Variants in ABCA13 observed in about 807,000 individuals in gnomAD.
The protein encoded by ABCA13 is ATP binding cassette subfamily A member 13.
Under a neutral mutation model 478.7 loss-of-function variants are expected in ABCA13, and 476 were observed. The ratio of observed to expected loss-of-function variants is 0.99; its 90% confidence interval spans 0.92 to 1.07. The LOEUF is 1.07. ABCA13 is among the 50% of genes least tolerant of loss of function. The pLI, the probability that ABCA13 is intolerant of heterozygous loss-of-function variation, is 0.00. For synonymous variants in ABCA13, 2,252 were observed against 2,158.9 expected, an observed-to-expected ratio of 1.04 and a Z score of -1.20; for missense variants, 6,060 against 5,910.6, an observed-to-expected ratio of 1.03 and a Z score of -0.83.
At chr7:48,281,201 A>G (rs920066481) in intron 18 of ABCA13, 142 bp from the exon 19 acceptor site, 3 of 677,402 alleles carry the variant, frequency 4.4e-6, no homozygotes, top group Non-Finnish European at 7.5e-6. Context: ...GTGTTTTCTT[A>G]TGTTCCTATG....
rs936935649 is a variant in ABCA13 at position 48,645,905 on chromosome 7, C to G, written c.*393C>G. Reference sequence around the variant, plus strand: ...TTTTCTGTTAAGAAAACTGAGCCCCCTCCCCACAGGTTAAAAAACTTTAGT... The same window carrying G: ...TTTTCTGTTAAGAAAACTGAGCCCCGTCCCCACAGGTTAAAAAACTTTAGT... On this transcript the variant is annotated 3_prime_UTR_variant, in exon 62 of 62. Coordinates refer to ENST00000435803, the MANE Select transcript of ABCA13 (RefSeq NM_152701.5). 1.2e-5 allele frequency: 2 copies of G among 171,332 alleles called. No homozygotes were observed. Among genetic ancestry groups the G allele is most frequent in the East Asian group, 3.7e-4 (2 of 5,420 alleles). The allele number at this position is 171,332 out of a possible 1,614,324, so 10.6% of individuals were successfully genotyped here.
chr7:48,528,587 G>A (rs900883063), intron 55 of ABCA13, among the ~76,000 whole-genome samples: 15 of 152,132 alleles, frequency 9.9e-5, no homozygotes, highest in Non-Finnish European at 2.2e-4. Flanking sequence ...AAAGGCAGAC[G>A]TCCCTGGGAG....
At position 48,644,716 on chromosome 7, in the gene ABCA13, A is replaced by G. The variant is rs776413627; in HGVS notation, c.15043A>G (p.Ile5015Val). ...VIENNKTFLN[I>V]KHYSINQTTL... ...AGAGAACAATAAAACCTTCTTGAATATTAAGCATTATTCCATTAACCAAAC... is the reference window on the plus strand; with the variant it reads ...AGAGAACAATAAAACCTTCTTGAATGTTAAGCATTATTCCATTAACCAAAC... The change falls in exon 61 of 62, where the codon ATT becomes GTT. Residue 5015 changes from isoleucine to valine, a missense_variant. Ile to Val is a conservative substitution (Grantham distance 29). Around this residue, in one of 3 missense-constraint regions of ABCA13, gnomAD observed 1,627 missense variants for 1,571.0 expected, o/e 1.04. Transcript: ENST00000435803. 5 of 1,608,372 alleles carry G rather than the reference A, an allele frequency of 3.1e-6. No homozygotes were observed. Among genetic ancestry groups the G allele is most frequent in the Middle Eastern group, 1.7e-4 (1 of 5,938 alleles).
At chr7:48,633,328 G>A (rs532536241) in intron 59 of ABCA13, among the ~76,000 whole-genome samples, 1 of 152,158 alleles carries the variant, frequency 6.6e-6, no homozygotes, top group East Asian at 1.9e-4. Flanking sequence ...AATACTGGGG[G>A]ACTTCAACAC....
chr7:48,275,897 C>T lies in ABCA13; in HGVS notation c.6231C>T (p.His2077=), dbSNP rs543515028. The change falls in exon 17 of 62, where the codon CAC becomes CAT. Residue 2077 remains histidine (H), a synonymous_variant. Transcript: ENST00000435803. ...TAACCCAAGATTTTAGAATCAGACA[C>T]CTGCTTTCTGAAATGAACAAAGGAA... ...KDLTQDFRIR[H]LLSEMNKGIK... 13 of 1,613,542 alleles carry T rather than the reference C, an allele frequency of 8.1e-6. 1 individual carries two copies. The African/African-American group carries it at 1.2e-4, about 15-fold the overall frequency.
chr7:48,437,183 T>C (rs1181102658), intron 42 of ABCA13, among the ~76,000 whole-genome samples: 3 of 152,050 alleles, frequency 2.0e-5, no homozygotes, highest in Non-Finnish European at 1.5e-5. Context: ...TTGCTTCATA[T>C]GTTATGAGCT....
chr7:48,630,176 T>C (rs1453805400), intron 59 of ABCA13, among the ~76,000 whole-genome samples: 2 of 152,144 alleles, frequency 1.3e-5, no homozygotes, highest in Non-Finnish European at 2.9e-5. Flanking sequence ...TAAAAAATTT[T>C]AGTTTTAGGG....
At chr7:48,335,379 A>G in intron 27 of ABCA13, 43 bp from the exon 28 acceptor site, 1 of 1,405,104 alleles carries the variant, frequency 7.1e-7, no homozygotes, top group Non-Finnish European at 9.9e-7. Flanking sequence ...TCTTAATATA[A>G]CAGCTGAATA....
chr7:48,421,948 C>T (rs1416813444), intron 41 of ABCA13, among the ~76,000 whole-genome samples: 1 of 151,428 alleles, frequency 6.6e-6, no homozygotes, highest in African/African-American at 2.4e-5. Flanking sequence ...TCTTCCAAGG[C>T]CTCCACACTG....
rs1312048596 is a variant in ABCA13, at chr7:48,276,118, A to G, written c.6452A>G (p.Asn2151Ser). 5 of 1,598,018 alleles carry G rather than the reference A, an allele frequency of 3.1e-6. No individual in the cohort carries two copies. Among genetic ancestry groups the G allele is most frequent in the African/African-American group, 2.7e-5 (2 of 74,274 alleles). ...MIETLFIPVT[N>S]ESSTEDIALL... The stretch of plus-strand genomic sequence containing the variant: ...GAAACATTATTCATTCCTGTGACCA[A>G]TGAGAGTTCAACTGAAGATATAGCT... Residue 2151 changes from asparagine (N) to serine (S), a missense_variant, in exon 17 of 62, where the codon AAT becomes AGT. Asn to Ser is a conservative substitution (Grantham distance 46). Around this residue, in one of 3 missense-constraint regions of ABCA13, gnomAD observed 4,423 missense variants for 4,309.1 expected, o/e 1.03. Coordinates refer to ENST00000435803, the MANE Select transcript of ABCA13 (RefSeq NM_152701.5).
intron 7 of ABCA13, 66 bp from the exon 8 acceptor site, chr7:48,233,952 G>C: frequency 6.4e-7 from 1 of 1,560,620 alleles, no homozygotes; most frequent in Non-Finnish European, 8.7e-7. Context: ...TTTTTTTTCT[G>C]GATTACATTA....
Position 48,392,073 on chromosome 7 carries a change from T to C in ABCA13, c.11807T>C (p.Leu3936Ser), listed in dbSNP as rs1278350056. ...GACAACCTCACCGTCCGGGAACATT[T>C]GCTGCTCTTTGCTTCCATAAAGGCG... ...LLDNLTVREHLLLFASIKAPQ... is the reference protein window; with the variant it reads ...LLDNLTVREHSLLFASIKAPQ... Residue 3936 changes from leucine (L) to serine (S), a missense_variant, in exon 38 of 62, where the codon TTG (leucine) becomes TCG (serine). By Grantham distance (145) the Leu-to-Ser change is moderately radical. Coordinates refer to ENST00000435803, the MANE Select transcript of ABCA13 (RefSeq NM_152701.5). The C allele has an allele frequency of 3.7e-6, 6 of 1,613,958 alleles. No individual in the cohort carries two copies. In the Admixed American group the frequency reaches 1.0e-4, roughly 27 times the overall value.
At chr7:48,557,010 C>T (rs2131233624) in intron 55 of ABCA13, among the ~76,000 whole-genome samples, 1 of 151,908 alleles carries the variant, frequency 6.6e-6, no homozygotes, top group Admixed American at 6.6e-5. Context: ...ATTGTATAAC[C>T]CACTATTTTA....
chr7:48,368,374 C>T (rs1464640185), intron 32 of ABCA13, among the ~76,000 whole-genome samples: 11 of 151,730 alleles, frequency 7.2e-5, no homozygotes, highest in African/African-American at 1.2e-4. Context: ...ATAAGTTCTT[C>T]GGTAGCGATT....
rs1801526606 is a variant in ABCA13 at position 48,310,018 on chromosome 7, A to G, written c.9393A>G (p.Thr3131=). The change falls in exon 24 of 62, where the codon ACA becomes ACG. Residue 3131 remains threonine (T), a synonymous_variant. Transcript: ENST00000435803. ...CDQEILHLLL[T]FPKGEKSWIA... ...AGGAAATCCTTCATCTCCTGCTGACATTTCCCAAAGGGGAAAAATCTTGGA... is the reference window on the plus strand; with the variant it reads ...AGGAAATCCTTCATCTCCTGCTGACGTTTCCCAAAGGGGAAAAATCTTGGA... 4.3e-6 allele frequency: 7 copies of G among 1,613,964 alleles called. No homozygotes were observed. Among genetic ancestry groups the G allele is most frequent in the Non-Finnish European group, 2.5e-6 (3 of 1,179,842 alleles).
At chr7:48,641,410 C>T (rs1475154942) in intron 59 of ABCA13, among the ~76,000 whole-genome samples, 1 of 152,226 alleles carries the variant, frequency 6.6e-6, no homozygotes, top group Non-Finnish European at 1.5e-5. Flanking sequence ...AATTTCACTG[C>T]TTATTTATCT....
intron 38 of ABCA13, among the ~76,000 whole-genome samples, chr7:48,395,331 G>A (rs1816695380): frequency 6.6e-6 from 1 of 152,218 alleles, no homozygotes; most frequent in South Asian, 2.1e-4. Flanking sequence ...GAGAGGTCCA[G>A]TAGGGTGAGG....
chr7:48,399,194 G>A lies in ABCA13; in HGVS notation c.11874-4489G>A, dbSNP rs77180871. ...GATAGTGTCAAAAAGGAAAAGTGAG[G>A]TCAAGAGAAAAAATGCTCCTCTTCC... On this transcript the variant is annotated intron_variant, in intron 38 of 61. Transcript: ENST00000435803. Among the ~76,000 whole-genome samples the A allele has an allele frequency of 4.2e-3, 635 of 152,202 alleles. 7 individuals carry two copies. The highest frequency in any genetic ancestry group is 0.014 in the African/African-American group (588 of 41,522).
rs118166969 is a variant in ABCA13 at position 48,634,267 on chromosome 7, G to A, written c.14838-9021G>A. On this transcript the variant is annotated intron_variant, in intron 59 of 61. Transcript: ENST00000435803. Reference sequence around the variant, plus strand: ...TAATGTTCCTTTCTTTTGAGATTGCGTGTGTGTGATGTCTTTGGTTTTGGT... The same window carrying A: ...TAATGTTCCTTTCTTTTGAGATTGCATGTGTGTGATGTCTTTGGTTTTGGT... 8.2e-3 allele frequency among the ~76,000 whole-genome samples: 1,248 copies of A among 152,188 alleles called. 7 individuals are homozygous for A. Among genetic ancestry groups the A allele is most frequent in the Non-Finnish European group, 0.013 (897 of 68,012 alleles).
Sources: gnomAD v4.1 joint callset for allele counts (sites outside exome capture counted in the v4.1 genomes callset) on GRCh38, gnomAD v4.1.1 for gene constraint, gnomAD v4.1.1 regional missense constraint, MANE v1.5 for transcripts, NCBI Gene and HGNC (gene_info 2026-07-23, HGNC 2026-07-21) for gene names.